The following DENND1A variants were observed in gnomAD, a reference collection of about 807,000 sequenced individuals.
The protein encoded by DENND1A is DENN domain containing 1A, also known as DENN domain-containing protein 1A.
DENND1A carries 51 observed loss-of-function variants against 113.7 expected under a neutral mutation model. The ratio of observed to expected loss-of-function variants is 0.45; its 90% CI spans 0.36 to 0.57. DENND1A has a LOEUF of 0.57. Ranked by LOEUF, DENND1A falls within the 20% of genes least tolerant of loss-of-function variation. The pLI is 0.00. For missense variants in DENND1A, 1,258 were observed against 1,395.9 expected (o/e 0.90, Z 1.57); for synonymous variants, 565 against 570.8 (o/e 0.99, Z 0.14).
At chr9:123,513,598 T>C (rs999126592) in intron 13 of DENND1A, among the ~76,000 whole-genome samples, 7 of 152,222 alleles carry the variant, frequency 4.6e-5, no homozygotes, top group Non-Finnish European at 8.8e-5. Context: ...ATCTCTTCCT[T>C]TCACTGCTGG....
At chr9:123,620,487 G>A (rs943172028) in intron 10 of DENND1A, among the ~76,000 whole-genome samples, 2 of 152,112 alleles carry the variant, frequency 1.3e-5, no homozygotes, top group African/African-American at 4.8e-5. Flanking sequence ...GGCAGGAGAT[G>A]TGACTCACTC....
chr9:123,710,825 A>AC (rs1298913764), intron 5 of DENND1A, among the ~76,000 whole-genome samples: 2 of 151,928 alleles, frequency 1.3e-5, no homozygotes, highest in Non-Finnish European at 2.9e-5. Flanking sequence ...GGTGTGTGCC[A>AC]CCATGCCAGG....
chr9:123,465,834 G>T (rs1359670975), intron 13 of DENND1A, among the ~76,000 whole-genome samples: 1 of 152,090 alleles, frequency 6.6e-6, no homozygotes, highest in Non-Finnish European at 1.5e-5. Context: ...ATATTGGCAT[G>T]AACTTTGTCA....
intron 2 of DENND1A, among the ~76,000 whole-genome samples, chr9:123,820,920 T>C (rs1838361078): frequency 6.6e-6 from 1 of 152,254 alleles, no homozygotes; most frequent in South Asian, 2.1e-4. Flanking sequence ...TTCTTTTCTG[T>C]CTTACCTTTT....
intron 1 of DENND1A, among the ~76,000 whole-genome samples, chr9:123,881,308 T>C (rs531688176): frequency 6.6e-6 from 1 of 152,320 alleles, no homozygotes; most frequent in East Asian, 1.9e-4. Flanking sequence ...GAAAATACCA[T>C]ATGCAAACAC....
At chr9:123,538,965 C>CATTT (rs2135539948) in intron 13 of DENND1A, among the ~76,000 whole-genome samples, 1 of 150,496 alleles carries the variant, frequency 6.6e-6, no homozygotes, top group South Asian at 2.1e-4. Context: ...AAGAGTCAAA[C>CATTT]ATTTATTTTG....
chr9:123,884,606 C>T (rs570374492), intron 1 of DENND1A, among the ~76,000 whole-genome samples: 2 of 152,228 alleles, frequency 1.3e-5, no homozygotes, highest in South Asian at 4.1e-4. Flanking sequence ...TGCATGCATG[C>T]CCTAATTCTA....
At chr9:123,704,789 C>T (rs533079696) in intron 5 of DENND1A, among the ~76,000 whole-genome samples, 2 of 151,930 alleles carry the variant, frequency 1.3e-5, no homozygotes, top group South Asian at 4.2e-4. Flanking sequence ...TATAAAAGAA[C>T]CAAATGGAAT....
intron 3 of DENND1A, among the ~76,000 whole-genome samples, chr9:123,770,055 A>T (rs1277433240): frequency 2.6e-5 from 4 of 152,226 alleles, no homozygotes; most frequent in Admixed American, 6.5e-5. Flanking sequence ...ACTTGAAGAT[A>T]ATTGTCCCTG....
At chr9:123,392,671 T>C (rs1375208126) in intron 21 of DENND1A, among the ~76,000 whole-genome samples, 2 of 152,232 alleles carry the variant, frequency 1.3e-5, no homozygotes, top group Admixed American at 1.3e-4. Flanking sequence ...TTTAATTTTC[T>C]ATTTCCATAG....
chr9:123,570,195 A>C (rs1289999627), intron 12 of DENND1A, among the ~76,000 whole-genome samples: 1 of 152,134 alleles, frequency 6.6e-6, no homozygotes, highest in Non-Finnish European at 1.5e-5. Context: ...ACACCCAAAA[A>C]ACTTTGGCTA....
At chr9:123,453,658 G>A (rs1008353113) in intron 16 of DENND1A, among the ~76,000 whole-genome samples, 2 of 152,168 alleles carry the variant, frequency 1.3e-5, no homozygotes, top group Non-Finnish European at 2.9e-5. Context: ...TGGAACCAGT[G>A]GGTACCTAAG....
chr9:123,771,295 A>T (rs1483573555), intron 3 of DENND1A, among the ~76,000 whole-genome samples: 1 of 152,210 alleles, frequency 6.6e-6, no homozygotes, highest in Non-Finnish European at 1.5e-5. Context: ...GATCACATAA[A>T]ACATTTAATG....
intron 2 of DENND1A, among the ~76,000 whole-genome samples, chr9:123,797,867 ACT>A (rs1438191048): frequency 6.6e-6 from 1 of 152,066 alleles, no homozygotes; most frequent in Non-Finnish European, 1.5e-5. Context: ...ATTAAAAATT[ACT>A]CTTTTCAAAA....
intron 15 of DENND1A, among the ~76,000 whole-genome samples, chr9:123,455,053 C>A (rs1367821710): frequency 6.6e-6 from 1 of 152,120 alleles, no homozygotes; most frequent in Admixed American, 6.6e-5. Flanking sequence ...AACTCCTGAC[C>A]TCAAGTGATC....
At chr9:123,543,985 G>A (rs1450454102) in intron 13 of DENND1A, among the ~76,000 whole-genome samples, 1 of 152,176 alleles carries the variant, frequency 6.6e-6, no homozygotes, top group African/African-American at 2.4e-5. Context: ...GTTCCATGTT[G>A]TGCTAACAAG....
intron 5 of DENND1A, among the ~76,000 whole-genome samples, chr9:123,722,070 T>G (rs149202405): frequency 1.9e-3 from 282 of 152,266 alleles, no homozygotes; most frequent in Non-Finnish European, 3.7e-3. Context: ...GATCATGATA[T>G]GAACAATAAG....
chr9:123,470,364 G>GCGCCAGGGGTTGCCTCACTCA (rs55638879), intron 13 of DENND1A, among the ~76,000 whole-genome samples: 148,728 of 151,294 alleles, frequency 0.98, 73,137 homozygotes, highest in South Asian at 1. Context: ...CACGTGGCCA[G>GCGCCAGGGGTTGCCTCACTCA]CGCCAGGGGT....
At chr9:123,675,149 C>G (rs1457261221) in intron 6 of DENND1A, among the ~76,000 whole-genome samples, 1 of 152,120 alleles carries the variant, frequency 6.6e-6, no homozygotes, top group East Asian at 1.9e-4. Context: ...TTAGTTATTC[C>G]TTCCATTTAC....
Sources: gnomAD v4.1 joint callset for allele counts (sites outside exome capture counted in the v4.1 genomes callset) on GRCh38, gnomAD v4.1.1 for gene constraint, MANE v1.5 for transcripts, NCBI Gene and HGNC (gene_info 2026-07-23, HGNC 2026-07-21) for gene names.